RIOX2: variants seen among roughly 807,000 people sequenced by gnomAD.
RIOX2 encodes ribosomal oxygenase 2.
A neutral mutation model predicts 51.2 loss-of-function variants in RIOX2; 43 were observed. The observed-to-expected ratio is 0.84, with a 90% CI of 0.66 to 1.08. The LOEUF is 1.08. RIOX2 is among the 50% of genes least tolerant of loss of function. The pLI, the probability that RIOX2 is intolerant of heterozygous loss-of-function variation, is 0.00. For missense variants in RIOX2, 566 were observed against 561.7 expected (o/e 1.01, Z -0.08); for synonymous variants, 226 against 218.5 (o/e 1.03, Z -0.30).
intron 4 of RIOX2, among the ~76,000 whole-genome samples, chr3:97,956,643 G>A (rs1705462092): frequency 6.6e-6 from 1 of 151,976 alleles, no homozygotes; most frequent in Non-Finnish European, 1.5e-5. Context: ...TTACAGGCAT[G>A]AGCCACCACG....
rs959662016 is a variant in RIOX2, at chr3:97,949,876, G to A, written c.1028C>T (p.Ser343Phe). The part of the protein sequence containing the change: ...DFIMHRLPPY[S>F]AGDGAELSTP... Reference sequence around the variant, plus strand: ...TGACAGCTCTGCCCCATCTCCCGCAGAGTAAGGGGGGAGTCTGTGCATAAT... The same window carrying A: ...TGACAGCTCTGCCCCATCTCCCGCAAAGTAAGGGGGGAGTCTGTGCATAAT... The change falls in exon 7 of 10, where the codon TCT (serine) becomes TTT (phenylalanine). Residue 343 changes from serine (S) to phenylalanine (F), a missense_variant. Transcript: ENST00000394198. 5 of 1,613,730 alleles carry A rather than the reference G, an allele frequency of 3.1e-6. No homozygotes were observed. The highest frequency in any genetic ancestry group is 3.4e-6 in the Non-Finnish European group (4 of 1,179,916).
At position 97,942,533 on chromosome 3, in the gene RIOX2, A is replaced by G. The variant is rs537896136; in HGVS notation, c.*2651T>C. The stretch of plus-strand genomic sequence containing the variant: ...TTTTGGGTAAAGGACATCCTTATGT[A>G]TAAGAGAAATGTTAAGTCATTTAAA... On this transcript the variant is annotated 3_prime_UTR_variant, in exon 10 of 10. Transcript: ENST00000394198. 7.1e-5 allele frequency: 82 copies of G among 1,146,912 alleles called. No homozygotes were observed. Among genetic ancestry groups the G allele is most frequent in the African/African-American group, 6.7e-4 (43 of 64,048 alleles). 71.0% of individuals were successfully genotyped at this position (1,146,912 alleles called of 1,614,324 possible).
chr3:97,959,099 C>T lies in RIOX2; in HGVS notation c.633G>A (p.Val211=). 3 of 1,613,868 alleles carry T rather than the reference C, an allele frequency of 1.9e-6. No homozygotes were observed. Among genetic ancestry groups the T allele is most frequent in the Non-Finnish European group, 2.5e-6 (3 of 1,179,894 alleles). The change falls in exon 4 of 10, where the codon GTG becomes GTA. Residue 211 remains valine, a synonymous_variant. Transcript: ENST00000394198. The part of the protein sequence containing the change: ...PTVPLAREYS[V]EAEERIGRPV... ...GCCTGCCGATCCTTTCCTCGGCCTC[C>T]ACGCTGTACTCTCGTGCCAGGGGCA...
chr3:97,962,026 G>T (rs1006918309), intron 2 of RIOX2, among the ~76,000 whole-genome samples: 1 of 152,172 alleles, frequency 6.6e-6, no homozygotes, highest in Non-Finnish European at 1.5e-5. Context: ...CCTGGTTATT[G>T]TGTGAAGAAT....
In RIOX2 at chr3:97,966,564, C is replaced by A. The variant is rs553628722; in HGVS notation, c.432+598G>T. On this transcript the variant is annotated intron_variant, in intron 2 of 9. Coordinates refer to ENST00000394198, the MANE Select transcript of RIOX2 (RefSeq NM_153182.4). ...AAAAAAATTTAAAAATTTGCCAATC[C>A]TCTGCATTTGCAAAGCAAAGATTTC... 2.6e-5 allele frequency among the ~76,000 whole-genome samples: 4 copies of A among 152,320 alleles called. No individual in the cohort carries two copies. The South Asian group carries it at 8.3e-4, about 32-fold the overall frequency.
At chr3:97,956,430 G>C (rs1705452320) in intron 4 of RIOX2, among the ~76,000 whole-genome samples, 2 of 151,924 alleles carry the variant, frequency 1.3e-5, no homozygotes, top group Non-Finnish European at 2.9e-5. Context: ...TTAAACCATT[G>C]AGTTTGTGGT....
chr3:97,969,449 T>C (rs1333739733), intron 1 of RIOX2, among the ~76,000 whole-genome samples: 2 of 152,234 alleles, frequency 1.3e-5, no homozygotes, highest in African/African-American at 4.8e-5. Context: ...AGACGTTCCA[T>C]AGCAGGCCTG....
In RIOX2 at chr3:97,958,114, CA is replaced by C. The variant is rs1167660204; in HGVS notation, c.681+936del. Among the ~76,000 whole-genome samples the C allele has an allele frequency of 2.0e-5, 3 of 152,138 alleles. No homozygotes were observed. The East Asian group carries it at 5.8e-4, about 29-fold the overall frequency. On this transcript the variant is annotated intron_variant, in intron 4 of 9. Transcript: ENST00000394198. ...CTGTAATATAGGCACCCATCCTAAA[CA>C]GCAAGATTGTTTCCCTTAGTTACTG... is the stretch of plus-strand genomic sequence containing the variant.
At position 97,945,185 on chromosome 3, in the gene RIOX2, TAG is replaced by T. The variant is rs1559753924; in HGVS notation, c.1395_1396del (p.Ter466ValfsTer22). 9 of 1,608,376 alleles carry T rather than the reference TAG, an allele frequency of 5.6e-6. No individual in the cohort carries two copies. Among genetic ancestry groups the T allele is most frequent in the Non-Finnish European group, 7.6e-6 (9 of 1,177,516 alleles). ...TAGGCATTTGATTCTGCAAAGGCAC[TAG>T]ACTACTTGAATTAAACATTCTGTCC... On this transcript the variant is annotated frameshift_variant and stop_lost, in exon 10 of 10. Transcript: ENST00000394198. LOFTEE classifies it high-confidence loss of function.
rs765417315 is a variant in RIOX2, at chr3:97,954,425, G to A, written c.752C>T (p.Ser251Phe). ...GTAGGTGCTGATGGTCACGTGAGTAGAGTGGGCCAGCCCCGCAGGAGTGTC... is the reference window on the plus strand; with the variant it reads ...GTAGGTGCTGATGGTCACGTGAGTAAAGTGGGCCAGCCCCGCAGGAGTGTC... ...QADTPAGLAH[S>F]THVTISTYQN... The change falls in exon 5 of 10, where the codon TCT (serine) becomes TTT (phenylalanine). Residue 251 changes from serine to phenylalanine, a missense_variant. By Grantham distance (155) the Ser-to-Phe change is radical (BLOSUM62 -2). Transcript: ENST00000394198. 8.7e-6 allele frequency: 14 copies of A among 1,613,820 alleles called. No homozygotes were observed. The highest frequency in any genetic ancestry group is 4.5e-5 in the East Asian group (2 of 44,898).
At chr3:97,952,230 T>G (rs1338995456) in intron 5 of RIOX2, 1 of 1,289,774 alleles carries the variant, frequency 7.8e-7, no homozygotes, top group East Asian at 5.5e-5. Context: ...AAGTCACATC[T>G]TCTCATTCTA....
chr3:97,964,696 T>TAAAAAAAAAAAAAAAAAAAAA (rs1159985029), intron 2 of RIOX2, among the ~76,000 whole-genome samples: 1 of 60,210 alleles, frequency 1.7e-5, no homozygotes, highest in Non-Finnish European at 3.1e-5. Context: ...GACTCTGTCT[T>TAAAAAAAAAAAAAAAAAAAAA]AAAAAAAAAA....
chr3:97,947,525 A>G, intron 7 of RIOX2, 76 bp from the exon 8 acceptor site: 1 of 1,062,074 alleles, frequency 9.4e-7, no homozygotes, highest in Non-Finnish European at 1.5e-6. Flanking sequence ...ATACATACAC[A>G]TAGGAAACAC....
chr3:97,962,550 C>A (rs1264674954), intron 2 of RIOX2, among the ~76,000 whole-genome samples: 1 of 152,054 alleles, frequency 6.6e-6, no homozygotes, highest in African/African-American at 2.4e-5. Flanking sequence ...TCCTTCTCTC[C>A]ACTATCAACT....
chr3:97,953,470 C>T (rs1315031802), intron 5 of RIOX2, among the ~76,000 whole-genome samples: 1 of 152,040 alleles, frequency 6.6e-6, no homozygotes, highest in South Asian at 2.1e-4. Context: ...ACCTCCACCT[C>T]CTGTGTTCAA....
intron 2 of RIOX2, among the ~76,000 whole-genome samples, chr3:97,964,834 C>T (rs922993201): frequency 1.4e-5 from 2 of 146,470 alleles, no homozygotes; most frequent in Non-Finnish European, 3.1e-5. Context: ...GCCTGCTAAG[C>T]AAAATGCAAA....
At position 97,942,448 on chromosome 3, in the gene RIOX2, G is replaced by A. The variant is rs746881062; in HGVS notation, c.*2736C>T. ...AACTTGTCCTTGATGTTAAAGGTGG[G>A]CCTTTGATGATACCCAATGTTGTGT... On this transcript the variant is annotated 3_prime_UTR_variant, in exon 10 of 10. Transcript: ENST00000394198. 6.2e-7 allele frequency: 1 copy of A among 1,604,696 alleles called. No homozygotes were observed. The highest frequency in any genetic ancestry group is 8.5e-7 in the Non-Finnish European group (1 of 1,174,668).
At chr3:97,960,107 T>G (rs1235217536) in intron 3 of RIOX2, among the ~76,000 whole-genome samples, 1 of 152,218 alleles carries the variant, frequency 6.6e-6, no homozygotes, top group Non-Finnish European at 1.5e-5. Flanking sequence ...TTCATCATGT[T>G]TAGTGCAACA....
Position 97,945,876 on chromosome 3 carries a change from T to G in RIOX2, c.1161A>C (p.Gln387His). The change falls in exon 9 of 10, where the codon CAA (glutamine) becomes CAC (histidine). Residue 387 changes from glutamine (Q) to histidine (H), a missense_variant. Coordinates refer to ENST00000394198, the MANE Select transcript of RIOX2 (RefSeq NM_153182.4). ...AATGATAGATGTACACCATCTTTTC[T>G]TGAGCTTCATCCTTTGGGGAAAAAA... ...LPDQDQSDEA[Q>H]EKMVYIYHSL... The G allele has an allele frequency of 1.2e-6, 2 of 1,607,226 alleles. No individual in the cohort carries two copies. Among genetic ancestry groups the G allele is most frequent in the Non-Finnish European group, 8.5e-7 (1 of 1,174,452 alleles).
Sources: gnomAD v4.1 joint callset for allele counts (sites outside exome capture counted in the v4.1 genomes callset) on GRCh38, gnomAD v4.1.1 for gene constraint, MANE v1.5 for transcripts, NCBI Gene and HGNC (gene_info 2026-07-23, HGNC 2026-07-21) for gene names.